The following CILK1 variants were observed in gnomAD, a reference collection of about 807,000 sequenced individuals.
CILK1 encodes ciliogenesis associated kinase 1, also known as serine/threonine-protein kinase ICK.
A neutral mutation model predicts 79.2 loss-of-function variants in CILK1; 47 were observed. The ratio of observed to expected loss-of-function variants is 0.59; its 90% confidence interval spans 0.47 to 0.76. The LOEUF (loss-of-function observed/expected upper bound fraction) is 0.76, where lower values mean the gene tolerates loss of function less well. CILK1 is among the 30% of genes least tolerant of loss of function. CILK1 has a pLI of 0.00. For missense variants in CILK1, 660 were observed against 769.5 expected, an observed-to-expected ratio of 0.86 and a Z score of 1.68; for synonymous variants, 266 against 275.9, an observed-to-expected ratio of 0.96 and a Z score of 0.36.
chr6:53,049,351 G>A (rs1207780479), intron 1 of CILK1, among the ~76,000 whole-genome samples: 1 of 152,186 alleles, frequency 6.6e-6, no homozygotes, highest in Non-Finnish European at 1.5e-5. Flanking sequence ...GACTGAAAGA[G>A]GTGTACAGCT....
chr6:53,042,007 T>C (rs1445456923), intron 1 of CILK1, among the ~76,000 whole-genome samples: 2 of 152,210 alleles, frequency 1.3e-5, no homozygotes, highest in Non-Finnish European at 2.9e-5. Flanking sequence ...TTTGGTGATG[T>C]TTTTATGACC....
chr6:53,006,822 A>G (rs1294479816), intron 12 of CILK1, among the ~76,000 whole-genome samples: 1 of 152,250 alleles, frequency 6.6e-6, no homozygotes, highest in Non-Finnish European at 1.5e-5. Flanking sequence ...TATAAATTCT[A>G]GAGTATGGCT....
rs114040921 is a variant in CILK1 at position 53,007,648 on chromosome 6, G to A, written c.1622-1211C>T. Among the ~76,000 whole-genome samples, 513 of 152,232 alleles carry A rather than the reference G, an allele frequency of 3.4e-3. 2 individuals are homozygous for A. The highest frequency in any genetic ancestry group is 0.012 in the African/African-American group (485 of 41,538). ...CCCTTTAACCTAAAATGTTGACTCT[G>A]GCTGGGCATGGTGGCTCACACTTGT... On this transcript the variant is annotated intron_variant, in intron 12 of 13. Transcript: ENST00000676107.
chr6:53,024,265 A>G (rs1222814727), intron 5 of CILK1, among the ~76,000 whole-genome samples: 1 of 152,248 alleles, frequency 6.6e-6, no homozygotes, highest in African/African-American at 2.4e-5. Flanking sequence ...AAAATTATAC[A>G]TAAGAACCAA....
At chr6:53,048,540 T>C (rs1452837576) in intron 1 of CILK1, among the ~76,000 whole-genome samples, 1 of 152,224 alleles carries the variant, frequency 6.6e-6, no homozygotes, top group Non-Finnish European at 1.5e-5. Flanking sequence ...TTGAGAATGG[T>C]ATTGTTCAGC....
chr6:53,009,170 G>T (rs1387346172), intron 12 of CILK1, among the ~76,000 whole-genome samples: 1 of 152,182 alleles, frequency 6.6e-6, no homozygotes, highest in Non-Finnish European at 1.5e-5. Context: ...GTAAGAGTCT[G>T]TAAAGGTATT....
At chr6:53,050,457 C>T (rs1767403950) in intron 1 of CILK1, among the ~76,000 whole-genome samples, 1 of 151,228 alleles carries the variant, frequency 6.6e-6, no homozygotes, top group South Asian at 2.1e-4. Flanking sequence ...ACACATTTCA[C>T]ATACATATAA....
chr6:53,009,440 T>C lies in CILK1; in HGVS notation c.1620A>G (p.Ser540=), dbSNP rs1245225850. 1 of 1,614,126 alleles carries C rather than the reference T, an allele frequency of 6.2e-7. No homozygotes were observed. The highest frequency in any genetic ancestry group is 1.7e-5 in the Admixed American group (1 of 60,034). The change falls in exon 12 of 14, where the codon TCA becomes TCG. Residue 540 remains serine (S), a splice_region_variant and synonymous_variant. Transcript: ENST00000676107. ...GTMSVISKVN[S]VGSSSTSSSG... is the part of the protein sequence containing the mutation. ...TAGGGGTTAATGATCATTACTCACCTGAATTTACTTTGCTGATTACTGACA... is the reference window on the plus strand; with the variant it reads ...TAGGGGTTAATGATCATTACTCACCCGAATTTACTTTGCTGATTACTGACA...
In CILK1 at chr6:53,009,514, G is replaced by A. The variant is rs1168723073; in HGVS notation, c.1546C>T (p.Pro516Ser). Residue 516 changes from proline (P) to serine (S), a missense_variant, in exon 12 of 14, where the codon CCT (proline) becomes TCT (serine). Physicochemically the swap from Pro to Ser is moderately conservative, Grantham distance 74 (BLOSUM62 -1). Transcript: ENST00000676107. Reference protein sequence around the residue: ...LSNPGKEFIPPNPWSSSGLSG... With the variant: ...LSNPGKEFIPSNPWSSSGLSG... ...AAGCCAGAACTAGACCATGGATTAG[G>A]TGGAATAAATTCCTTGCCTGGATTC... 6.2e-7 allele frequency: 1 copy of A among 1,611,320 alleles called. No homozygotes were observed. The highest frequency in any genetic ancestry group is 1.7e-5 in the Admixed American group (1 of 60,030).
Position 53,012,236 on chromosome 6 carries a change from A to C in CILK1, c.1153-9T>G. On this transcript the variant is annotated splice_polypyrimidine_tract_variant and intron_variant, in intron 9 of 13. Transcript: ENST00000676107. The stretch of plus-strand genomic sequence containing the variant: ...AGGCCAGCTGTGATTTTCTGTGTAA[A>C]CAAACGGGGTGGGGGAAAGCAATAC... 6.2e-7 allele frequency: 1 copy of C among 1,613,910 alleles called. No individual in the cohort carries two copies. Among genetic ancestry groups the C allele is most frequent in the Non-Finnish European group, 8.5e-7 (1 of 1,179,872 alleles).
Position 53,032,666 on chromosome 6 carries a change from G to T in CILK1, c.157-12C>A. ...AGCTTCTTTAAAGACTAAAAGGCAA[G>T]GAATAAACACAAAACAAAACAAATA... On this transcript the variant is annotated splice_polypyrimidine_tract_variant and intron_variant, in intron 3 of 13. Coordinates refer to ENST00000676107, the MANE Select transcript of CILK1 (RefSeq NM_014920.5). The T allele has an allele frequency of 6.3e-7, 1 of 1,592,836 alleles. No individual in the cohort carries two copies. The highest frequency in any genetic ancestry group is 1.1e-5 in the South Asian group (1 of 89,422).
chr6:53,022,658 T>C (rs930295738), intron 5 of CILK1, among the ~76,000 whole-genome samples: 3 of 152,240 alleles, frequency 2.0e-5, no homozygotes, highest in Admixed American at 6.5e-5. Context: ...ATGTGCCCTT[T>C]ACTCCTTTTT....
chr6:53,041,930 AATGT>A (rs1766744048), intron 1 of CILK1, among the ~76,000 whole-genome samples: 1 of 152,034 alleles, frequency 6.6e-6, no homozygotes, highest in Non-Finnish European at 1.5e-5. Flanking sequence ...ATCTTTCTTA[AATGT>A]ATTTATAGCT....
intron 1 of CILK1, chr6:53,057,802 C>A (rs1768026812): frequency 6.6e-6 from 1 of 152,056 alleles, no homozygotes; most frequent in Non-Finnish European, 1.5e-5. Flanking sequence ...TTGCTATCTT[C>A]AGAGTAGAAT....
intron 1 of CILK1, among the ~76,000 whole-genome samples, chr6:53,054,877 C>T (rs1361142245): frequency 6.6e-6 from 1 of 152,196 alleles, no homozygotes; most frequent in East Asian, 1.9e-4. Context: ...TGCTCATGGC[C>T]AGCAGCTCAC....
rs1376352625 is a variant in CILK1, at chr6:53,002,905, C to G, written c.*2244G>C. ...CCTTATATAAGCTAGATTACTGAGA[C>G]TATGGTATTAAACAATCCATTTGCT... On this transcript the variant is annotated 3_prime_UTR_variant, in exon 14 of 14. Transcript: ENST00000676107. 6.6e-6 allele frequency: 1 copy of G among 152,498 alleles called. No homozygotes were observed. Among genetic ancestry groups the G allele is most frequent in the Non-Finnish European group, 1.5e-5 (1 of 68,028 alleles). 9.4% of individuals were successfully genotyped at this position (152,498 alleles called of 1,614,324 possible). A position where few individuals can be genotyped will look rare whatever the true frequency, so the allele number is the denominator to read the frequency against.
intron 5 of CILK1, among the ~76,000 whole-genome samples, chr6:53,022,809 T>G (rs1008708800): frequency 2.0e-5 from 3 of 152,336 alleles, no homozygotes; most frequent in African/African-American, 7.2e-5. Context: ...ATCTGCTCCA[T>G]GCCAGGCAAC....
In CILK1 at chr6:53,018,444, G is replaced by A. The variant is rs897326020; in HGVS notation, c.549C>T (p.Val183=). 2.5e-6 allele frequency: 4 copies of A among 1,614,068 alleles called. No homozygotes were observed. In the African/African-American group the frequency reaches 5.3e-5, roughly 22 times the overall value. ...RSTNYSSPID[V]WAVGCIMAEV... The stretch of plus-strand genomic sequence containing the variant: ...CTGCCATGATGCAGCCCACCGCCCA[G>A]ACGTCAATGGGGGAGCTGTAGTTGG... Residue 183 remains valine (V), a synonymous_variant, in exon 7 of 14, where the codon GTC becomes GTT. Coordinates refer to ENST00000676107, the MANE Select transcript of CILK1 (RefSeq NM_014920.5).
At chr6:53,030,904 C>A (rs1765911494) in intron 5 of CILK1, among the ~76,000 whole-genome samples, 161 bp downstream of exon 5, 1 of 152,316 alleles carries the variant, frequency 6.6e-6, no homozygotes, top group East Asian at 1.9e-4. Context: ...ATTCAGAGAT[C>A]AAGTTATAAA....
Sources: allele counts gnomAD v4.1 joint callset (sites outside exome capture counted in the v4.1 genomes callset), GRCh38; gene constraint gnomAD v4.1.1; transcripts MANE v1.5; gene names NCBI Gene and HGNC (gene_info 2026-07-23, HGNC 2026-07-21).